CHAMP1: variants seen among roughly 807,000 people sequenced by gnomAD.
The protein encoded by CHAMP1 is chromosome alignment maintaining phosphoprotein 1.
A neutral mutation model predicts 54.5 loss-of-function variants in CHAMP1; 4 were observed. That is an observed-to-expected ratio of 0.07 (90% CI 0.04 to 0.17). CHAMP1 has a LOEUF of 0.17. Ranked by LOEUF, CHAMP1 falls within the 10% of genes least tolerant of loss-of-function variation. CHAMP1 has a pLI of 1.00. For synonymous variants in CHAMP1, 368 were observed against 342.2 expected, an observed-to-expected ratio of 1.08 and a Z score of -0.83; for missense variants, 994 against 968.6, an observed-to-expected ratio of 1.03 and a Z score of -0.35.
chr13:114,316,487 G>A (rs1451856949), intron 1 of CHAMP1, among the ~76,000 whole-genome samples: 2 of 151,582 alleles, frequency 1.3e-5, no homozygotes, highest in Non-Finnish European at 2.9e-5. Context: ...CTACTGGGGA[G>A]GCTGAGGCAG....
At position 114,324,750 on chromosome 13, in the gene CHAMP1, C is replaced by T. The variant is rs2087219853; in HGVS notation, c.908C>T (p.Pro303Leu). ...FPAVSPEPRR[P>L]APAVSPGSWK... Reference sequence around the variant, plus strand: ...GCTGTCTCCCCAGAGCCTAGGAGACCAGCCCCCGCTGTGTCACCAGGCTCT... The same window carrying T: ...GCTGTCTCCCCAGAGCCTAGGAGACTAGCCCCCGCTGTGTCACCAGGCTCT... Residue 303 changes from proline (P) to leucine (L), a missense_variant, in exon 3 of 3, where the codon CCA becomes CTA. Coordinates refer to ENST00000361283, the MANE Select transcript of CHAMP1 (RefSeq NM_032436.4). The T allele has an allele frequency of 1.2e-6, 2 of 1,613,972 alleles. No individual in the cohort carries two copies.
At position 114,318,359 on chromosome 13, in the gene CHAMP1, G is replaced by C. The variant is rs1249201956; in HGVS notation, c.-178-2751G>C. ...CTTTTTTGAGACAGGGTCTCACTCT[G>C]TCATCTAGGCTGGAGTGTAATGGTG... On this transcript the variant is annotated intron_variant, in intron 1 of 2. Coordinates refer to ENST00000361283, the MANE Select transcript of CHAMP1 (RefSeq NM_032436.4). Among the ~76,000 whole-genome samples the C allele has an allele frequency of 2.0e-5, 3 of 146,796 alleles. No individual in the cohort carries two copies. The East Asian group carries it at 6.0e-4, about 29-fold the overall frequency.
At chr13:114,316,630 T>C (rs527884134) in intron 1 of CHAMP1, among the ~76,000 whole-genome samples, 2 of 152,116 alleles carry the variant, frequency 1.3e-5, no homozygotes, top group South Asian at 4.2e-4. Flanking sequence ...TTGTGTAAAC[T>C]ATAGACTACT....
At chr13:114,321,268 T>C (rs1461253776) in intron 2 of CHAMP1, 36 bp downstream of exon 2, 2 of 151,760 alleles carry the variant, frequency 1.3e-5, no homozygotes, top group African/African-American at 4.8e-5. Flanking sequence ...TAGGAGAATA[T>C]TTTATGAGGA....
In CHAMP1 at chr13:114,324,766, A is replaced by T. The variant is rs782010073; in HGVS notation, c.924A>T (p.Ser308=). The change falls in exon 3 of 3, where the codon TCA becomes TCT. Residue 308 remains serine (S), a synonymous_variant. Transcript: ENST00000361283. The part of the protein sequence containing the change: ...PEPRRPAPAV[S]PGSWKPGPPG... The stretch of plus-strand genomic sequence containing the variant: ...CTAGGAGACCAGCCCCCGCTGTGTC[A>T]CCAGGCTCTTGGAAACCAGGGCCAC... 6.2e-7 allele frequency: 1 copy of T among 1,613,948 alleles called. No individual in the cohort carries two copies. The highest frequency in any genetic ancestry group is 1.1e-5 in the South Asian group (1 of 91,076).
Position 114,327,286 on chromosome 13 carries a change from T to C in CHAMP1, c.*1005T>C, listed in dbSNP as rs542950151. 1 of 158,084 alleles carries C rather than the reference T, an allele frequency of 6.3e-6. No homozygotes were observed. The highest frequency in any genetic ancestry group is 1.5e-5 in the Non-Finnish European group (1 of 68,074). 9.8% of individuals were successfully genotyped at this position (158,084 alleles called of 1,614,324 possible). On this transcript the variant is annotated 3_prime_UTR_variant, in exon 3 of 3. Coordinates refer to ENST00000361283, the MANE Select transcript of CHAMP1 (RefSeq NM_032436.4). Reference sequence around the variant, plus strand: ...TTATTCTAAAATATTTTGTCAAATGTGTATCAACCAAATTAAAAAGAAAGG... The same window carrying C: ...TTATTCTAAAATATTTTGTCAAATGCGTATCAACCAAATTAAAAAGAAAGG...
intron 1 of CHAMP1, among the ~76,000 whole-genome samples, chr13:114,318,877 T>A (rs1352239607): frequency 2.2e-5 from 3 of 136,562 alleles, no homozygotes; most frequent in African/African-American, 8.9e-5. Flanking sequence ...TTTTTTTTTT[T>A]TTTTTTTTTA....
chr13:114,320,100 A>G (rs1199836806), intron 1 of CHAMP1, among the ~76,000 whole-genome samples: 2 of 152,150 alleles, frequency 1.3e-5, no homozygotes, highest in African/African-American at 2.4e-5. Flanking sequence ...GGGAGTTCAG[A>G]TGTCAGAATT....
In CHAMP1 at chr13:114,323,796, A is replaced by G; in HGVS notation, c.-47A>G. On this transcript the variant is annotated 5_prime_UTR_variant, in exon 3 of 3. Transcript: ENST00000361283. ...TTCCTACTTTATTGCAGCAGTATTGAAAGTTTTTAAAGAATATAACCGTGT... is the reference window on the plus strand; with the variant it reads ...TTCCTACTTTATTGCAGCAGTATTGGAAGTTTTTAAAGAATATAACCGTGT... 1 of 1,529,398 alleles carries G rather than the reference A, an allele frequency of 6.5e-7. No homozygotes were observed. Among genetic ancestry groups the G allele is most frequent in the South Asian group, 1.3e-5 (1 of 77,008 alleles). The allele number at this position is 1,529,398 out of a possible 1,614,324, so 94.7% of individuals were successfully genotyped here.
At position 114,324,788 on chromosome 13, in the gene CHAMP1, C is replaced by G. The variant is rs782781269; in HGVS notation, c.946C>G (p.Pro316Ala). The G allele has an allele frequency of 6.2e-7, 1 of 1,614,020 alleles. No individual in the cohort carries two copies. Among genetic ancestry groups the G allele is most frequent in the Admixed American group, 1.7e-5 (1 of 60,020 alleles). Residue 316 changes from proline to alanine, a missense_variant, in exon 3 of 3, where the codon CCA becomes GCA. Coordinates refer to ENST00000361283, the MANE Select transcript of CHAMP1 (RefSeq NM_032436.4). ...AVSPGSWKPG[P>A]PGSPRPWKSN... ...GTCACCAGGCTCTTGGAAACCAGGGCCACCTGGGTCCCCTAGGCCTTGGAA... is the reference window on the plus strand; with the variant it reads ...GTCACCAGGCTCTTGGAAACCAGGGGCACCTGGGTCCCCTAGGCCTTGGAA...
chr13:114,319,611 G>C (rs572294876), intron 1 of CHAMP1, among the ~76,000 whole-genome samples: 1 of 152,156 alleles, frequency 6.6e-6, no homozygotes, highest in Non-Finnish European at 1.5e-5. Flanking sequence ...AAAAAAGAGC[G>C]TTTACAGAAT....
chr13:114,326,117 G>T lies in CHAMP1; in HGVS notation c.2275G>T (p.Ala759Ser). 1 of 1,613,180 alleles carries T rather than the reference G, an allele frequency of 6.2e-7. No individual in the cohort carries two copies. The highest frequency in any genetic ancestry group is 1.3e-5 in the African/African-American group (1 of 74,996). ...LESLLKNHVA[A>S]HGQSLLKCPR... The stretch of plus-strand genomic sequence containing the variant: ...ATCTCTCCTTAAAAATCATGTAGCA[G>T]CCCATGGGCAAAGTTTACTTAAATG... The change falls in exon 3 of 3, where the codon GCC becomes TCC. Residue 759 changes from alanine (A) to serine (S), a missense_variant. Transcript: ENST00000361283.
intron 1 of CHAMP1, among the ~76,000 whole-genome samples, chr13:114,316,752 ATTT>A (rs201616810): frequency 7.3e-6 from 1 of 136,884 alleles, no homozygotes; most frequent in Non-Finnish European, 1.6e-5. Context: ...AGTGCTTTGG[ATTT>A]TTTTTTTTTT....
In CHAMP1 at chr13:114,324,073, A is replaced by C. The variant is rs781981095; in HGVS notation, c.231A>C (p.Val77=). ...CFFTSKMYSN[V]YYHITSKHAS... is the part of the protein sequence containing the mutation. ...TCACCAGCAAGATGTACTCTAATGTATACTATCACATCACATCCAAACATG... is the reference window on the plus strand; with the variant it reads ...TCACCAGCAAGATGTACTCTAATGTCTACTATCACATCACATCCAAACATG... Residue 77 remains valine, a synonymous_variant, in exon 3 of 3, where the codon GTA becomes GTC. Transcript: ENST00000361283. 1.2e-5 allele frequency: 20 copies of C among 1,614,126 alleles called. No homozygotes were observed. Among genetic ancestry groups the C allele is most frequent in the Non-Finnish European group, 1.6e-5 (19 of 1,180,044 alleles).
chr13:114,323,880 G>A lies in CHAMP1; in HGVS notation c.38G>A (p.Arg13His), dbSNP rs138074590. The A allele has an allele frequency of 7.0e-5, 113 of 1,612,480 alleles. No homozygotes were observed. The African/African-American group carries it at 1.1e-3, about 16-fold the overall frequency. ...AFQELRKPSA[R>H]LECDHCSFRG... ...CAGGAACTTCGTAAACCATCAGCAC[G>A]TTTGGAGTGTGACCATTGCAGTTTC... is the stretch of plus-strand genomic sequence containing the variant. The change falls in exon 3 of 3, where the codon CGT becomes CAT. Residue 13 changes from arginine (R) to histidine (H), a missense_variant. By Grantham distance (29) the Arg-to-His change is conservative. Coordinates refer to ENST00000361283, the MANE Select transcript of CHAMP1 (RefSeq NM_032436.4).
chr13:114,317,506 C>G (rs1258100854), intron 1 of CHAMP1, among the ~76,000 whole-genome samples: 1 of 152,012 alleles, frequency 6.6e-6, no homozygotes. Context: ...TACCTATGGT[C>G]CCAGCTACTT....
At chr13:114,319,683 G>T (rs1566788831) in intron 1 of CHAMP1, among the ~76,000 whole-genome samples, 1 of 152,228 alleles carries the variant, frequency 6.6e-6, no homozygotes, top group Non-Finnish European at 1.5e-5. Context: ...GCTGACTGTA[G>T]GACCTGAGTA....
rs3813133 is a variant in CHAMP1 at position 114,324,718 on chromosome 13, G to A, written c.876G>A (p.Pro292=). The A allele has an allele frequency of 0.083, 133,917 of 1,613,386 alleles. 6,368 individuals carry two copies. The highest frequency in any genetic ancestry group is 0.18 in the Admixed American group (11,015 of 59,950). ...SPSESPEPWK[P]FPAVSPEPRR... is the part of the protein sequence containing the mutation. ...CAGAGTCTCCTGAACCTTGGAAGCCGTTCCCTGCTGTCTCCCCAGAGCCTA... is the reference window on the plus strand; with the variant it reads ...CAGAGTCTCCTGAACCTTGGAAGCCATTCCCTGCTGTCTCCCCAGAGCCTA... Residue 292 remains proline (P), a synonymous_variant, in exon 3 of 3, where the codon CCG becomes CCA. Transcript: ENST00000361283.
chr13:114,318,911 T>C (rs1299724605), intron 1 of CHAMP1, among the ~76,000 whole-genome samples: 7 of 135,492 alleles, frequency 5.2e-5, no homozygotes, highest in African/African-American at 1.9e-4. Flanking sequence ...TGTTAGAGAC[T>C]CTCTTAAAGT....
Sources: gnomAD v4.1 joint callset for allele counts (sites outside exome capture counted in the v4.1 genomes callset) on GRCh38, gnomAD v4.1.1 for gene constraint, MANE v1.5 for transcripts, NCBI Gene and HGNC (gene_info 2026-07-23, HGNC 2026-07-21) for gene names.